The following HHIP variants were observed in gnomAD, a reference collection of about 807,000 sequenced individuals.
HHIP encodes hedgehog-interacting protein.
Under a neutral mutation model 74.0 loss-of-function variants are expected in HHIP, and 12 were observed. The ratio of observed to expected loss-of-function variants is 0.16; its 90% CI spans 0.10 to 0.26. HHIP has a LOEUF of 0.26. Ranked by LOEUF, HHIP falls within the 10% of genes least tolerant of loss-of-function variation. The pLI is 1.00. For synonymous variants in HHIP, 309 were observed against 311.6 expected (o/e 0.99, Z 0.09); for missense variants, 788 against 845.0 (o/e 0.93, Z 0.84).
chr4:144,655,753 C>CTCTTTT (rs3041434), intron 2 of HHIP, among the ~76,000 whole-genome samples: 4 of 150,934 alleles, frequency 2.7e-5, no homozygotes, highest in Non-Finnish European at 3.0e-5. Context: ...GAGTCAGTAA[C>CTCTTTT]TTTTTTTTCC....
rs1225130267 is a variant in HHIP, at chr4:144,646,743, C to G, written c.68C>G (p.Ala23Gly). The change falls in exon 1 of 13, where the codon GCT becomes GGT. Residue 23 changes from alanine to glycine, a missense_variant. Ala to Gly is a moderately conservative substitution (Grantham distance 60, BLOSUM62 0). Coordinates refer to ENST00000296575, the MANE Select transcript of HHIP (RefSeq NM_022475.3). The stretch of plus-strand genomic sequence containing the variant: ...GCTCTGGGCTTCTTTGAAGGAGATG[C>G]TAAGTTTGGGGAAAGAAACGAAGGG... ...AVALGFFEGD[A>G]KFGERNEGSG... 1 of 1,614,096 alleles carries G rather than the reference C, an allele frequency of 6.2e-7. No homozygotes were observed. The highest frequency in any genetic ancestry group is 1.7e-5 in the Admixed American group (1 of 60,022).
intron 4 of HHIP, among the ~76,000 whole-genome samples, chr4:144,665,254 A>T (rs1027502048): frequency 1.2e-4 from 19 of 152,074 alleles, no homozygotes; most frequent in South Asian, 1.0e-3. Flanking sequence ...GTTTTAGTAG[A>T]GACAGGGTTT....
intron 4 of HHIP, among the ~76,000 whole-genome samples, chr4:144,675,935 G>A (rs1729158058): frequency 6.6e-6 from 1 of 152,114 alleles, no homozygotes; most frequent in Non-Finnish European, 1.5e-5. Flanking sequence ...TCAACAATAA[G>A]CAGTCATAGG....
At chr4:144,696,556 C>T (rs1211737043) in intron 4 of HHIP, among the ~76,000 whole-genome samples, 1 of 151,786 alleles carries the variant, frequency 6.6e-6, no homozygotes, top group Non-Finnish European at 1.5e-5. Flanking sequence ...ACAGTCTCTT[C>T]TTTTTTTGTT....
intron 4 of HHIP, among the ~76,000 whole-genome samples, chr4:144,683,683 T>C (rs139660005): frequency 2.3e-3 from 344 of 152,306 alleles, no homozygotes; most frequent in African/African-American, 8.0e-3. Flanking sequence ...TAGCCTGTTT[T>C]TGTAAATAAA....
chr4:144,715,413 T>C lies in HHIP; in HGVS notation c.1661T>C (p.Phe554Ser). 1.9e-6 allele frequency: 3 copies of C among 1,613,372 alleles called. No individual in the cohort carries two copies. The highest frequency in any genetic ancestry group is 2.5e-6 in the Non-Finnish European group (3 of 1,179,454). ...TACTTTTCCGGTCACATCTTGGGAT[T>C]TGGAGAAGATGAACTAGGTACTGTA... ...RGYFSGHILG[F>S]GEDELGEVYI... Residue 554 changes from phenylalanine (F) to serine (S), a missense_variant, in exon 10 of 13, where the codon TTT (phenylalanine) becomes TCT (serine). Coordinates refer to ENST00000296575, the MANE Select transcript of HHIP (RefSeq NM_022475.3).
At position 144,740,744 on chromosome 4, in the gene HHIP, T is replaced by A. The variant is rs1366624736; in HGVS notation, c.*2787T>A. On this transcript the variant is annotated 3_prime_UTR_variant, in exon 13 of 13. Coordinates refer to ENST00000296575, the MANE Select transcript of HHIP (RefSeq NM_022475.3). ...ACATGAAAGGCAACATCTGTTCAGTTCATAAAGCACACAGTCTCGAATGGA... is the reference window on the plus strand; with the variant it reads ...ACATGAAAGGCAACATCTGTTCAGTACATAAAGCACACAGTCTCGAATGGA... The A allele has an allele frequency of 6.6e-6, 1 of 152,168 alleles. No individual in the cohort carries two copies. The highest frequency in any genetic ancestry group is 1.5e-5 in the Non-Finnish European group (1 of 68,022). 9.4% of individuals were successfully genotyped at this position (152,168 alleles called of 1,614,324 possible). A position where few individuals can be genotyped will look rare whatever the true frequency, so the allele number is the denominator to read the frequency against.
Position 144,743,670 on chromosome 4 carries a change from T to C in HHIP, c.*5713T>C, listed in dbSNP as rs1731321393. 1 of 152,062 alleles carries C rather than the reference T, an allele frequency of 6.6e-6. No homozygotes were observed. The highest frequency in any genetic ancestry group is 2.4e-5 in the African/African-American group (1 of 41,454). 9.4% of individuals were successfully genotyped at this position (152,062 alleles called of 1,614,324 possible). A position where few individuals can be genotyped will look rare whatever the true frequency, so the allele number is the denominator to read the frequency against. The stretch of plus-strand genomic sequence containing the variant: ...TATGTAACTTAATATAAATGTTTGA[T>C]GAGTTATCTCAATTGACTATAATCT... On this transcript the variant is annotated 3_prime_UTR_variant, in exon 13 of 13. Transcript: ENST00000296575.
At chr4:144,726,928 C>T (rs953016868) in intron 11 of HHIP, among the ~76,000 whole-genome samples, 2 of 152,176 alleles carry the variant, frequency 1.3e-5, no homozygotes, top group African/African-American at 2.4e-5. Context: ...TCTCCTGAAG[C>T]GACCTCCAGC....
At chr4:144,728,872 T>A (rs1413886434) in intron 11 of HHIP, among the ~76,000 whole-genome samples, 1 of 152,186 alleles carries the variant, frequency 6.6e-6, no homozygotes, top group Non-Finnish European at 1.5e-5. Flanking sequence ...TTAGTTTGTA[T>A]AATGCATTGT....
intron 4 of HHIP, among the ~76,000 whole-genome samples, chr4:144,697,616 G>A (rs1729856569): frequency 6.6e-6 from 1 of 152,022 alleles, no homozygotes; most frequent in African/African-American, 2.4e-5. Flanking sequence ...TGTATCACAT[G>A]CCACAGTTCA....
At chr4:144,705,824 T>C (rs779398492) in intron 4 of HHIP, among the ~76,000 whole-genome samples, 3 of 152,204 alleles carry the variant, frequency 2.0e-5, no homozygotes, top group Non-Finnish European at 4.4e-5. Flanking sequence ...AGTGTCCCCT[T>C]TCCCCTCTAG....
chr4:144,719,004 A>G (rs1189888445), intron 11 of HHIP, 48 bp downstream of exon 11: 2 of 1,128,482 alleles, frequency 1.8e-6, no homozygotes, highest in Admixed American at 1.8e-5. Context: ...TCTTCTTCCA[A>G]TTATTTTAGT....
At chr4:144,735,009 T>C in intron 12 of HHIP, 120 bp downstream of exon 12, 3 of 868,140 alleles carry the variant, frequency 3.5e-6, no homozygotes, top group Non-Finnish European at 5.0e-6. Flanking sequence ...TTTAGCCATT[T>C]ACAATACTAT....
intron 4 of HHIP, among the ~76,000 whole-genome samples, chr4:144,663,133 A>C (rs1028490861): frequency 1.3e-5 from 2 of 152,054 alleles, no homozygotes; most frequent in Non-Finnish European, 2.9e-5. Context: ...TAAAATTACA[A>C]AAAAAATTAG....
chr4:144,657,211 A>G (rs1728581778), intron 2 of HHIP, among the ~76,000 whole-genome samples: 1 of 152,192 alleles, frequency 6.6e-6, no homozygotes, highest in Non-Finnish European at 1.5e-5. Context: ...ACATTCTAAG[A>G]TAAGTTTTAG....
intron 11 of HHIP, among the ~76,000 whole-genome samples, chr4:144,721,594 G>GAAAA: frequency 7.7e-6 from 1 of 130,270 alleles, no homozygotes; most frequent in East Asian, 2.3e-4. Context: ...GTTATTTAAG[G>GAAAA]AAAAAAAAAA....
intron 2 of HHIP, among the ~76,000 whole-genome samples, chr4:144,656,698 G>A (rs1728566901): frequency 6.6e-6 from 1 of 152,082 alleles, no homozygotes; most frequent in Non-Finnish European, 1.5e-5. Context: ...CAGTCTTCCT[G>A]CATGCATAAT....
intron 10 of HHIP, among the ~76,000 whole-genome samples, chr4:144,717,406 G>T (rs572344575): frequency 6.6e-6 from 1 of 152,044 alleles, no homozygotes; most frequent in African/African-American, 2.4e-5. Flanking sequence ...TTGTGCCTAC[G>T]TTTTTAGTAC....
Sources: gnomAD v4.1 joint callset for allele counts (sites outside exome capture counted in the v4.1 genomes callset) on GRCh38, gnomAD v4.1.1 for gene constraint, MANE v1.5 for transcripts, NCBI Gene and HGNC (gene_info 2026-07-23, HGNC 2026-07-21) for gene names.